The following NAV2 variants were observed in gnomAD, a reference collection of about 807,000 sequenced individuals.
NAV2 encodes helicase, APC down-regulated 1.
A neutral mutation model predicts 223.2 loss-of-function variants in NAV2; 54 were observed. The observed-to-expected ratio is 0.24, with a 90% CI of 0.19 to 0.30. The LOEUF is 0.30. Among genes scored for constraint, NAV2 ranks in the 10% least tolerant of loss-of-function variants. The pLI is 1.00. For missense variants in NAV2, 2,806 were observed against 3,147.5 expected, an observed-to-expected ratio of 0.89 and a Z score of 2.60; for synonymous variants, 1,279 against 1,239.3, an observed-to-expected ratio of 1.03 and a Z score of -0.67.
intron 1 of NAV2, among the ~76,000 whole-genome samples, chr11:19,661,380 G>A (rs2048279019): frequency 6.6e-6 from 1 of 152,010 alleles, no homozygotes; most frequent in South Asian, 2.1e-4. Flanking sequence ...TCTATATTTT[G>A]GCTATTGTCA....
At chr11:19,367,257 C>G (rs777292077) in intron 1 of NAV2, among the ~76,000 whole-genome samples, 20 of 152,214 alleles carry the variant, frequency 1.3e-4, no homozygotes, top group African/African-American at 4.8e-4. Flanking sequence ...GTTGCCTCTT[C>G]TGAGAAACCT....
At chr11:19,586,201 A>T (rs1321440005) in intron 1 of NAV2, among the ~76,000 whole-genome samples, 1 of 152,076 alleles carries the variant, frequency 6.6e-6, no homozygotes, top group Non-Finnish European at 1.5e-5. Flanking sequence ...TTCGTCGCAT[A>T]GTTCTTGTGC....
At chr11:19,836,666 C>G (rs184490361) in intron 2 of NAV2, among the ~76,000 whole-genome samples, 3 of 152,042 alleles carry the variant, frequency 2.0e-5, no homozygotes, top group Non-Finnish European at 4.4e-5. Flanking sequence ...AGCTTACTAC[C>G]TTTTCAGGCA....
chr11:19,351,795 T>G, intron 1 of NAV2, among the ~76,000 whole-genome samples: 1 of 85,908 alleles, frequency 1.2e-5, no homozygotes, highest in Admixed American at 1.8e-4. Context: ...TGAAATGTTG[T>G]GTATGGTAAA....
intron 1 of NAV2, among the ~76,000 whole-genome samples, chr11:19,558,432 A>G (rs1221516316): frequency 6.6e-6 from 1 of 152,230 alleles, no homozygotes; most frequent in African/African-American, 2.4e-5. Flanking sequence ...GCATTGTGCC[A>G]AACCCCTACT....
intron 1 of NAV2, among the ~76,000 whole-genome samples, chr11:19,402,791 A>G (rs1015990783): frequency 6.6e-6 from 1 of 152,244 alleles, no homozygotes; most frequent in Non-Finnish European, 1.5e-5. Context: ...TCTGTCTCTC[A>G]GCACAGCGCA....
At chr11:20,061,832 T>C (rs1727798560) in intron 19 of NAV2, among the ~76,000 whole-genome samples, 1 of 152,230 alleles carries the variant, frequency 6.6e-6, no homozygotes, top group African/African-American at 2.4e-5. Context: ...CAGCTCTTTT[T>C]TTGCATATAC....
intron 1 of NAV2, among the ~76,000 whole-genome samples, chr11:19,741,054 C>G (rs1281403608): frequency 6.6e-6 from 1 of 152,216 alleles, no homozygotes; most frequent in East Asian, 1.9e-4. Flanking sequence ...TGCAATGGCA[C>G]CATTTTCAAA....
At chr11:19,707,372 C>T (rs1455253270) in intron 1 of NAV2, among the ~76,000 whole-genome samples, 1 of 152,152 alleles carries the variant, frequency 6.6e-6, no homozygotes, top group African/African-American at 2.4e-5. Context: ...TTCTTTATAT[C>T]TTTATAAGCT....
In NAV2 at chr11:20,103,370, A is replaced by T; in HGVS notation, c.6533A>T (p.Glu2178Val). Residue 2178 changes from glutamate (E) to valine (V), a missense_variant, in exon 33 of 38, where the codon GAG (glutamate) becomes GTG (valine). Transcript: ENST00000349880. Reference protein sequence around the residue: ...DNLHHVSSLGEIFNGLLNCKY... With the variant: ...DNLHHVSSLGVIFNGLLNCKY... The stretch of plus-strand genomic sequence containing the variant: ...CTACACCACGTGAGCTCTCTGGGAG[A>T]GATCTTCAATGGGCTGCTCAACTGC... 6.2e-7 allele frequency: 1 copy of T among 1,614,146 alleles called. No individual in the cohort carries two copies. Among genetic ancestry groups the T allele is most frequent in the African/African-American group, 1.3e-5 (1 of 75,052 alleles).
At chr11:19,910,388 T>G (rs975460566) in intron 6 of NAV2, among the ~76,000 whole-genome samples, 1 of 151,806 alleles carries the variant, frequency 6.6e-6, no homozygotes, top group Non-Finnish European at 1.5e-5. Context: ...GCAGTCAGAG[T>G]CATGGAAATT....
chr11:19,916,925 G>T (rs2043853747), intron 6 of NAV2, among the ~76,000 whole-genome samples: 2 of 152,218 alleles, frequency 1.3e-5, no homozygotes, highest in African/African-American at 2.4e-5. Flanking sequence ...AATCTGTGAA[G>T]GATAGAGAAT....
At chr11:19,772,537 G>T (rs1279814759) in intron 1 of NAV2, among the ~76,000 whole-genome samples, 1 of 152,220 alleles carries the variant, frequency 6.6e-6, no homozygotes, top group East Asian at 1.9e-4. Context: ...TTTTCATGCG[G>T]CAGGCAATGT....
chr11:20,048,709 A>T lies in NAV2; in HGVS notation c.3903-19A>T, dbSNP rs1591838762. 3 of 1,608,872 alleles carry T rather than the reference A, an allele frequency of 1.9e-6. No homozygotes were observed. In the East Asian group the frequency reaches 6.7e-5, roughly 36 times the overall value. ...TGGCACTGGGTGTTCAACCTACACA[A>T]CCCTTTGTCTCTTCACAGACTCTTT... is the stretch of plus-strand genomic sequence containing the variant. On this transcript the variant is annotated intron_variant, in intron 14 of 37. Transcript: ENST00000349880.
upstream of NAV2, among the ~76,000 whole-genome samples, chr11:19,346,611 C>G (rs1853027728): frequency 6.6e-6 from 1 of 152,240 alleles, no homozygotes; most frequent in African/African-American, 2.4e-5. Flanking sequence ...GTGTGTGATC[C>G]TTTCTTTTCT....
At chr11:20,034,485 T>C (rs181269312) in intron 11 of NAV2, among the ~76,000 whole-genome samples, 151 of 151,618 alleles carry the variant, frequency 1.0e-3, no homozygotes, top group African/African-American at 3.4e-3. Context: ...GTTCAAGCAA[T>C]CATCCTGCCT....
At chr11:19,968,413 T>A (rs1003515104) in intron 10 of NAV2, among the ~76,000 whole-genome samples, 1 of 151,986 alleles carries the variant, frequency 6.6e-6, no homozygotes, top group Non-Finnish European at 1.5e-5. Flanking sequence ...AGAGACGGGG[T>A]TTCACCATGT....
chr11:19,411,639 G>C (rs914385072), intron 1 of NAV2, among the ~76,000 whole-genome samples: 1 of 152,194 alleles, frequency 6.6e-6, no homozygotes, highest in Non-Finnish European at 1.5e-5. Flanking sequence ...CCTGGGTGAG[G>C]AGAGGGCCAG....
At chr11:19,892,670 G>T (rs1056827401) in intron 6 of NAV2, 76 bp downstream of exon 6, 2 of 1,507,648 alleles carry the variant, frequency 1.3e-6, no homozygotes, top group Non-Finnish European at 1.8e-6. Flanking sequence ...GGGTGAATTG[G>T]GTTGGGTCAT....
Sources: gnomAD v4.1 joint callset for allele counts (sites outside exome capture counted in the v4.1 genomes callset) on GRCh38, gnomAD v4.1.1 for gene constraint, MANE v1.5 for transcripts, NCBI Gene and HGNC (gene_info 2026-07-23, HGNC 2026-07-21) for gene names.